GALNT13: variants seen among roughly 807,000 people sequenced by gnomAD.
The protein encoded by GALNT13 is UDP-GalNAc:polypeptide N-acetylgalactosaminyltransferase 13.
Under a neutral mutation model 64.2 loss-of-function variants are expected in GALNT13, and 28 were observed. The observed-to-expected ratio is 0.44, with a 90% CI of 0.32 to 0.60. The LOEUF (loss-of-function observed/expected upper bound fraction) is 0.60, where lower values mean the gene tolerates loss of function less well. Ranked by LOEUF, GALNT13 falls within the 20% of genes least tolerant of loss-of-function variation. The pLI, the probability that GALNT13 is intolerant of heterozygous loss-of-function variation, is 0.05. For missense variants in GALNT13, 577 were observed against 669.8 expected (o/e 0.86, Z 1.53); for synonymous variants, 214 against 224.6 (o/e 0.95, Z 0.42).
At chr2:153,155,487 C>T in the GALNT13 span, among the ~76,000 whole-genome samples, 2 of 151,968 alleles carry the variant, frequency 1.3e-5, no homozygotes, top group South Asian at 4.1e-4. Context: ...CTATTTCTTC[C>T]AGATTTTCTA....
the GALNT13 span, among the ~76,000 whole-genome samples, chr2:153,495,963 G>T: frequency 3.9e-5 from 6 of 152,192 alleles, no homozygotes; most frequent in African/African-American, 1.4e-4. Context: ...GCTTGTTAGT[G>T]TCTTGGCAGG....
At chr2:153,247,414 G>T in the GALNT13 span, among the ~76,000 whole-genome samples, 1 of 152,124 alleles carries the variant, frequency 6.6e-6, no homozygotes. Context: ...AAATGCAAAA[G>T]AATGGAAATC....
intron 3 of GALNT13, among the ~76,000 whole-genome samples, chr2:154,094,967 T>C (rs1702004462): frequency 6.6e-6 from 1 of 151,970 alleles, no homozygotes; most frequent in Admixed American, 6.6e-5. Context: ...AAGTTCCCAA[T>C]ACCTATATTT....
At chr2:153,967,795 G>A (rs368405839) in intron 3 of GALNT13, among the ~76,000 whole-genome samples, 1 of 152,086 alleles carries the variant, frequency 6.6e-6, no homozygotes, top group African/African-American at 2.4e-5. Context: ...GGCTACTTTA[G>A]TCAGCAGATG....
the GALNT13 span, among the ~76,000 whole-genome samples, chr2:153,220,227 A>G: frequency 6.6e-6 from 1 of 152,218 alleles, no homozygotes; most frequent in South Asian, 2.1e-4. Flanking sequence ...CAGGAATGTC[A>G]GGTGACCATC....
At chr2:153,284,562 T>C in the GALNT13 span, among the ~76,000 whole-genome samples, 1 of 152,184 alleles carries the variant, frequency 6.6e-6, no homozygotes, top group Non-Finnish European at 1.5e-5. Flanking sequence ...TCAGTATTTC[T>C]AAGCCTCTTT....
At chr2:154,258,500 AAT>A (rs764535795) in intron 7 of GALNT13, among the ~76,000 whole-genome samples, 4 of 152,242 alleles carry the variant, frequency 2.6e-5, no homozygotes, top group East Asian at 1.9e-4. Flanking sequence ...TGTTAAAAAA[AAT>A]ACCTTTGTAA....
chr2:153,683,522 A>G, the GALNT13 span, among the ~76,000 whole-genome samples: 42 of 151,884 alleles, frequency 2.8e-4, no homozygotes, highest in African/African-American at 9.6e-4. Context: ...TGAGGGGATT[A>G]ATTGTACTAC....
chr2:153,725,018 G>A, the GALNT13 span, among the ~76,000 whole-genome samples: 1 of 151,110 alleles, frequency 6.6e-6, no homozygotes, highest in Non-Finnish European at 1.5e-5. Flanking sequence ...TATGTTTATT[G>A]CAGCATTATT....
Position 154,169,883 on chromosome 2 carries a change from C to T in GALNT13, c.311+29378C>T, listed in dbSNP as rs189483469. Among the ~76,000 whole-genome samples the T allele has an allele frequency of 4.0e-3, 606 of 152,062 alleles. 4 individuals are homozygous for T. Among genetic ancestry groups the T allele is most frequent in the African/African-American group, 0.013 (543 of 41,510 alleles). ...GGAGGCTGACTCTCTCTCTCTCTTT[C>T]CCTTAGAGAGAGAGAGTAAGAGAGA... On this transcript the variant is annotated intron_variant, in intron 4 of 12. Transcript: ENST00000392825.
At chr2:153,770,965 G>T in the GALNT13 span, among the ~76,000 whole-genome samples, 1 of 152,160 alleles carries the variant, frequency 6.6e-6, no homozygotes, top group Non-Finnish European at 1.5e-5. Context: ...CATGGGAAGG[G>T]GGGTGGCCTA....
chr2:153,724,135 C>T, the GALNT13 span, among the ~76,000 whole-genome samples: 12 of 139,714 alleles, frequency 8.6e-5, no homozygotes, highest in African/African-American at 3.0e-4. Context: ...GAACAGAGCC[C>T]TCAGAAATAA....
the GALNT13 span, among the ~76,000 whole-genome samples, chr2:153,180,440 A>T: frequency 6.6e-6 from 1 of 152,066 alleles, no homozygotes; most frequent in Non-Finnish European, 1.5e-5. Flanking sequence ...TATTTTTTTG[A>T]GTACATTTGC....
chr2:154,198,749 A>G (rs1390644399), intron 4 of GALNT13, among the ~76,000 whole-genome samples: 1 of 152,060 alleles, frequency 6.6e-6, no homozygotes, highest in African/African-American at 2.4e-5. Flanking sequence ...GAATATGGGT[A>G]GGAGGGAACT....
chr2:154,114,399 T>C (rs558656017), intron 3 of GALNT13, among the ~76,000 whole-genome samples: 10 of 152,260 alleles, frequency 6.6e-5, no homozygotes, highest in African/African-American at 2.4e-4. Context: ...AATTACCTGA[T>C]CTCCACAAGT....
chr2:153,170,103 G>A, the GALNT13 span, among the ~76,000 whole-genome samples: 2 of 151,960 alleles, frequency 1.3e-5, no homozygotes, highest in African/African-American at 4.8e-5. Context: ...TGAAAATTAC[G>A]GTTACAGTCT....
the GALNT13 span, among the ~76,000 whole-genome samples, chr2:153,124,748 C>A: frequency 6.6e-6 from 1 of 152,106 alleles, no homozygotes; most frequent in African/African-American, 2.4e-5. Context: ...GTGATCTGCC[C>A]ACCTCGGCCT....
At chr2:153,287,634 G>A in the GALNT13 span, among the ~76,000 whole-genome samples, 1 of 152,180 alleles carries the variant, frequency 6.6e-6, no homozygotes, top group East Asian at 1.9e-4. Context: ...ATTCCACATA[G>A]TCCTGCTGTC....
chr2:154,085,663 TG>T (rs1701485973), intron 3 of GALNT13, among the ~76,000 whole-genome samples: 1 of 152,102 alleles, frequency 6.6e-6, no homozygotes, highest in Admixed American at 6.6e-5. Flanking sequence ...AGAGTTTCTA[TG>T]CAGACTACAC....
Sources: allele counts gnomAD v4.1 joint callset (sites outside exome capture counted in the v4.1 genomes callset), GRCh38; gene constraint gnomAD v4.1.1; transcripts MANE v1.5; gene names NCBI Gene and HGNC (gene_info 2026-07-23, HGNC 2026-07-21).